The following SLC24A2 variants were observed in gnomAD, a reference collection of about 807,000 sequenced individuals.
SLC24A2 encodes sodium/potassium/calcium exchanger 2.
SLC24A2 carries 36 observed loss-of-function variants against 62.0 expected under a neutral mutation model. The ratio of observed to expected loss-of-function variants is 0.58; its 90% CI spans 0.44 to 0.77. The LOEUF (loss-of-function observed/expected upper bound fraction) is 0.77, where lower values mean the gene tolerates loss of function less well. Ranked by LOEUF, SLC24A2 falls within the 30% of genes least tolerant of loss-of-function variation. SLC24A2 has a pLI of 0.00. For synonymous variants in SLC24A2, 358 were observed against 294.0 expected (o/e 1.22, Z -2.23); for missense variants, 846 against 817.9 (o/e 1.03, Z -0.42).
the SLC24A2 span, among the ~76,000 whole-genome samples, chr9:20,135,279 TA>T: frequency 6.7e-6 from 1 of 148,712 alleles, no homozygotes; most frequent in Non-Finnish European, 1.5e-5. Context: ...TTTTATTTTT[TA>T]AATTTAATTT....
chr9:19,664,914 A>G (rs1344742562), intron 2 of SLC24A2, among the ~76,000 whole-genome samples: 1 of 152,212 alleles, frequency 6.6e-6, no homozygotes, highest in Non-Finnish European at 1.5e-5. Context: ...CTTCTAGCCT[A>G]CAGGACTATG....
the SLC24A2 span, among the ~76,000 whole-genome samples, chr9:19,824,342 A>C: frequency 6.6e-6 from 1 of 152,174 alleles, no homozygotes; most frequent in Non-Finnish European, 1.5e-5. Context: ...AAACAACCCC[A>C]TCAAAAAGTG....
intron 10 of SLC24A2, among the ~76,000 whole-genome samples, chr9:19,517,034 T>G (rs1023922863): frequency 6.6e-6 from 1 of 152,182 alleles, no homozygotes; most frequent in Non-Finnish European, 1.5e-5. Context: ...TGTGTGTGTT[T>G]TTCTTAAAAA....
chr9:19,960,462 G>A, the SLC24A2 span, among the ~76,000 whole-genome samples: 1 of 152,202 alleles, frequency 6.6e-6, no homozygotes, highest in Non-Finnish European at 1.5e-5. Context: ...AAATTAGTAG[G>A]AAGAGAATGG....
chr9:19,523,973 G>A (rs1357834191), intron 9 of SLC24A2, among the ~76,000 whole-genome samples: 1 of 151,962 alleles, frequency 6.6e-6, no homozygotes, highest in Non-Finnish European at 1.5e-5. Context: ...GTCTTCATAA[G>A]CTTGTTTTGA....
chr9:19,885,467 C>A, the SLC24A2 span, among the ~76,000 whole-genome samples: 1 of 152,160 alleles, frequency 6.6e-6, no homozygotes, highest in African/African-American at 2.4e-5. Context: ...GTCTGTTGGT[C>A]CTCACAGAAA....
In SLC24A2 at chr9:19,592,471, TACCG is replaced by T. The variant is rs1187310063; in HGVS notation, c.1129+4754_1129+4757del. Among the ~76,000 whole-genome samples, 12 of 100,880 alleles carry T rather than the reference TACCG, an allele frequency of 1.2e-4. No homozygotes were observed. In the Admixed American group the frequency reaches 1.2e-3, roughly 10 times the overall value. The allele number at this position is 100,880 out of a possible 152,430, so 66.2% of individuals were successfully genotyped here. A position where few individuals can be genotyped will look rare whatever the true frequency, so the allele number is the denominator to read the frequency against. On this transcript the variant is annotated intron_variant, in intron 5 of 10. Transcript: ENST00000341998. ...ATTGCAAGATATTAGTTGGGATATC[TACCG>T]ACCTACCTACCTACCTACCCACCTA...
chr9:19,667,172 G>A (rs544873102), intron 2 of SLC24A2, among the ~76,000 whole-genome samples: 4 of 152,196 alleles, frequency 2.6e-5, no homozygotes, highest in East Asian at 3.9e-4. Context: ...GGATCATAAC[G>A]AAAGAAAGAA....
chr9:19,963,781 C>G, the SLC24A2 span, among the ~76,000 whole-genome samples: 5 of 152,108 alleles, frequency 3.3e-5, no homozygotes, highest in Non-Finnish European at 7.4e-5. Context: ...GGACTGTAAA[C>G]TAGTTCAACC....
At chr9:19,952,424 A>G in the SLC24A2 span, among the ~76,000 whole-genome samples, 1 of 151,992 alleles carries the variant, frequency 6.6e-6, no homozygotes, top group African/African-American at 2.4e-5. Flanking sequence ...TGTGTATCTT[A>G]GCTGTAGTTT....
At chr9:20,105,901 A>C in the SLC24A2 span, among the ~76,000 whole-genome samples, 6 of 152,326 alleles carry the variant, frequency 3.9e-5, no homozygotes, top group East Asian at 7.7e-4. Context: ...AAATTAATGA[A>C]TCCAGGAGCT....
chr9:19,518,193 T>A (rs1243494235), intron 10 of SLC24A2, among the ~76,000 whole-genome samples: 5 of 152,150 alleles, frequency 3.3e-5, no homozygotes, highest in Non-Finnish European at 4.4e-5. Context: ...AGGGAACTAG[T>A]TAAATAGTAA....
chr9:19,887,437 A>G, the SLC24A2 span, among the ~76,000 whole-genome samples: 8 of 152,214 alleles, frequency 5.3e-5, no homozygotes, highest in Non-Finnish European at 1.2e-4. Flanking sequence ...ATGGACAACA[A>G]ACATATGAAA....
intron 7 of SLC24A2, among the ~76,000 whole-genome samples, chr9:19,571,358 C>T (rs549166046): frequency 2.0e-5 from 3 of 152,208 alleles, no homozygotes; most frequent in South Asian, 2.1e-4. Context: ...GAAAGAAATA[C>T]GTAATTTCTA....
intron 8 of SLC24A2, among the ~76,000 whole-genome samples, chr9:19,537,207 T>C (rs1834021132): frequency 6.8e-6 from 1 of 146,278 alleles, no homozygotes; most frequent in East Asian, 2.1e-4. Flanking sequence ...TTTAGTTTAA[T>C]TAGATCCCAT....
the SLC24A2 span, among the ~76,000 whole-genome samples, chr9:20,090,966 A>G: frequency 6.6e-6 from 1 of 152,164 alleles, no homozygotes; most frequent in African/African-American, 2.4e-5. Flanking sequence ...ACAATAAATG[A>G]TACAGGAGCT....
At chr9:19,677,980 T>C (rs368093050) in intron 2 of SLC24A2, among the ~76,000 whole-genome samples, 31 of 152,156 alleles carry the variant, frequency 2.0e-4, no homozygotes, top group African/African-American at 7.5e-4. Context: ...TCAGACGCCA[T>C]GGAAGGAACA....
the SLC24A2 span, among the ~76,000 whole-genome samples, chr9:20,165,555 A>G: frequency 6.6e-6 from 1 of 151,954 alleles, no homozygotes; most frequent in Non-Finnish European, 1.5e-5. Context: ...AAACAGAGAA[A>G]TAAATGGTGT....
At chr9:20,159,383 C>A in the SLC24A2 span, among the ~76,000 whole-genome samples, 1 of 150,704 alleles carries the variant, frequency 6.6e-6, no homozygotes, top group African/African-American at 2.5e-5. Flanking sequence ...AGACTACACA[C>A]CATTGTAACA....
Sources: gnomAD v4.1 joint callset for allele counts (sites outside exome capture counted in the v4.1 genomes callset) on GRCh38, gnomAD v4.1.1 for gene constraint, MANE v1.5 for transcripts, NCBI Gene and HGNC (gene_info 2026-07-23, HGNC 2026-07-21) for gene names.